Variants in IGSF21 observed in about 807,000 individuals in gnomAD.
IGSF21 encodes the protein immunoglobulin superfamily member 21.
IGSF21 carries 28 observed loss-of-function variants against 46.8 expected under a neutral mutation model. The observed-to-expected ratio is 0.60, with a 90% CI of 0.44 to 0.82. IGSF21 has a LOEUF of 0.82. IGSF21 is among the 40% of genes least tolerant of loss of function. IGSF21 has a pLI of 0.00. For missense variants in IGSF21, 624 were observed against 665.5 expected, an observed-to-expected ratio of 0.94 and a Z score of 0.69; for synonymous variants, 284 against 273.6, an observed-to-expected ratio of 1.04 and a Z score of -0.38.
intron 2 of IGSF21, among the ~76,000 whole-genome samples, chr1:18,252,779 A>T (rs190784860): frequency 1.3e-5 from 2 of 152,282 alleles, no homozygotes; most frequent in South Asian, 2.1e-4. Flanking sequence ...TACAAAGATC[A>T]TGGGTTCCAG....
intron 5 of IGSF21, 74 bp downstream of exon 5, chr1:18,362,304 G>C (rs2086110015): frequency 4.7e-6 from 5 of 1,064,172 alleles, no homozygotes; most frequent in Non-Finnish European, 5.6e-6. Flanking sequence ...CCAGCTGCAG[G>C]TGTCGCCACT....
chr1:18,294,600 T>A (rs559555733), intron 3 of IGSF21, among the ~76,000 whole-genome samples: 24 of 152,342 alleles, frequency 1.6e-4, no homozygotes, highest in Admixed American at 4.6e-4. Flanking sequence ...GGAATGAGGC[T>A]TGCCTGAGGT....
At chr1:18,137,551 C>T (rs1215740620) in intron 1 of IGSF21, among the ~76,000 whole-genome samples, 3 of 152,126 alleles carry the variant, frequency 2.0e-5, no homozygotes, top group East Asian at 1.9e-4. Context: ...TGAGAGGCAG[C>T]ACCATATTTC....
In IGSF21 at chr1:18,344,377, T is replaced by C. The variant is rs554623810; in HGVS notation, c.424+9367T>C. Among the ~76,000 whole-genome samples the C allele has an allele frequency of 3.3e-5, 5 of 152,036 alleles. No individual in the cohort carries two copies. In the East Asian group the frequency reaches 9.7e-4, roughly 30 times the overall value. On this transcript the variant is annotated intron_variant, in intron 4 of 9. Transcript: ENST00000251296. The stretch of plus-strand genomic sequence containing the variant: ...TAGACACAGGGTCTCACTCTGTTGG[T>C]CAGGCTGGAAGAACCTCTTTTGACT...
At chr1:18,318,100 T>G (rs1451581189) in intron 3 of IGSF21, among the ~76,000 whole-genome samples, 1 of 152,166 alleles carries the variant, frequency 6.6e-6, no homozygotes, top group Non-Finnish European at 1.5e-5. Context: ...CAGCAGGTAG[T>G]CATGGTGACT....
chr1:18,216,969 A>G (rs2084455389), intron 1 of IGSF21, among the ~76,000 whole-genome samples: 1 of 152,176 alleles, frequency 6.6e-6, no homozygotes, highest in African/African-American at 2.4e-5. Flanking sequence ...TCTTTTCTTC[A>G]TGAGTGGTAG....
At chr1:18,315,547 T>TGATGGATGGATGGATGGATG (rs34398523) in intron 3 of IGSF21, among the ~76,000 whole-genome samples, 233 of 149,376 alleles carry the variant, frequency 1.6e-3, no homozygotes, top group Non-Finnish European at 2.5e-3. Context: ...AGTGGATGGA[T>TGATGGATGGATGGATGGATG]GATGGATGGA....
At chr1:18,351,826 G>A (rs144163476) in intron 4 of IGSF21, among the ~76,000 whole-genome samples, 16 of 152,302 alleles carry the variant, frequency 1.1e-4, no homozygotes, top group African/African-American at 3.1e-4. Flanking sequence ...CTGCAGACAC[G>A]GCACCTGTCG....
intron 6 of IGSF21, chr1:18,376,104 G>A (rs775263640): frequency 2.0e-5 from 11 of 552,914 alleles, no homozygotes; most frequent in South Asian, 1.5e-4. Context: ...CCAGGTCCTA[G>A]AGAGCATCTG....
chr1:18,262,047 A>C (rs1421566149), intron 2 of IGSF21, among the ~76,000 whole-genome samples: 2 of 152,174 alleles, frequency 1.3e-5, no homozygotes, highest in African/African-American at 2.4e-5. Flanking sequence ...AACCTTCCAG[A>C]GCCCCACCTC....
intron 2 of IGSF21, among the ~76,000 whole-genome samples, chr1:18,275,464 C>T (rs932970213): frequency 7.2e-5 from 11 of 152,152 alleles, no homozygotes; most frequent in African/African-American, 2.7e-4. Context: ...CCTCTCCCAC[C>T]GGGAGTGTCT....
At chr1:18,308,290 C>T (rs1349468406) in intron 3 of IGSF21, among the ~76,000 whole-genome samples, 11 of 152,310 alleles carry the variant, frequency 7.2e-5, no homozygotes, top group Non-Finnish European at 4.4e-5. Context: ...CCAGCCTTTC[C>T]AAGTGCAGCC....
At chr1:18,113,591 C>G (rs1367476271) in intron 1 of IGSF21, 2 of 49,342 alleles carry the variant, frequency 4.1e-5, no homozygotes, top group Admixed American at 7.6e-4. Context: ...GGAAATCACA[C>G]CAACCCCGCA....
At chr1:18,122,604 T>C (rs893666728) in intron 1 of IGSF21, among the ~76,000 whole-genome samples, 2 of 151,940 alleles carry the variant, frequency 1.3e-5, no homozygotes, top group East Asian at 1.9e-4. Flanking sequence ...GTTTGTTGTA[T>C]TGACTGTCGA....
chr1:18,189,906 G>A, intron 1 of IGSF21, among the ~76,000 whole-genome samples: 1 of 152,176 alleles, frequency 6.6e-6, no homozygotes, highest in Non-Finnish European at 1.5e-5. Flanking sequence ...ACTGCCCTTT[G>A]GTTGGCCCAA....
intron 6 of IGSF21, among the ~76,000 whole-genome samples, chr1:18,372,315 T>C (rs1282801934): frequency 3.9e-5 from 6 of 152,252 alleles, no homozygotes. Flanking sequence ...TAAGCTACTG[T>C]TATTATTCAT....
At chr1:18,214,536 T>C (rs7543836) in intron 1 of IGSF21, among the ~76,000 whole-genome samples, 2,825 of 152,280 alleles carry the variant, frequency 0.019, 67 homozygotes, top group African/African-American at 0.065. Context: ...TAGTCTGTTT[T>C]CACACTGCTA....
intron 1 of IGSF21, among the ~76,000 whole-genome samples, chr1:18,130,284 T>C (rs1184714512): frequency 6.6e-6 from 1 of 152,168 alleles, no homozygotes; most frequent in Non-Finnish European, 1.5e-5. Context: ...TCCCTTGCTT[T>C]AGTTCAACTC....
chr1:18,363,784 G>A (rs1040382373), intron 5 of IGSF21, among the ~76,000 whole-genome samples: 1 of 150,400 alleles, frequency 6.6e-6, no homozygotes, highest in Non-Finnish European at 1.5e-5. Context: ...GGCACAGGTG[G>A]GATTGTGGGC....
Sources: gnomAD v4.1 joint callset for allele counts (sites outside exome capture counted in the v4.1 genomes callset) on GRCh38, gnomAD v4.1.1 for gene constraint, MANE v1.5 for transcripts, NCBI Gene and HGNC (gene_info 2026-07-23, HGNC 2026-07-21) for gene names.